Variants in FMN1 observed in about 807,000 individuals in gnomAD.
FMN1 encodes formin-1.
In FMN1, 110 loss-of-function variants were observed where a neutral mutation model predicts 132.4. The ratio of observed to expected loss-of-function variants is 0.83; its 90% CI spans 0.71 to 0.97. The LOEUF (loss-of-function observed/expected upper bound fraction) is 0.97. FMN1 is among the 50% of genes least tolerant of loss of function. FMN1 has a pLI of 0.00. For synonymous variants in FMN1, 722 were observed against 651.7 expected, an observed-to-expected ratio of 1.11 and a Z score of -1.64; for missense variants, 1,792 against 1,705.3, an observed-to-expected ratio of 1.05 and a Z score of -0.90.
intron 9 of FMN1, among the ~76,000 whole-genome samples, chr15:32,927,687 C>A (rs1002004055): frequency 2.6e-5 from 4 of 152,172 alleles, no homozygotes; most frequent in African/African-American, 9.7e-5. Context: ...TGTTTCTCTA[C>A]AACTAGTAAA....
chr15:32,971,324 A>G (rs1285773814), intron 7 of FMN1, among the ~76,000 whole-genome samples: 1 of 152,190 alleles, frequency 6.6e-6, no homozygotes, highest in Non-Finnish European at 1.5e-5. Context: ...AGACAATGCT[A>G]CCTTTGTAGA....
chr15:33,067,685 G>C, intron 5 of FMN1: 1 of 1,613,918 alleles, frequency 6.2e-7, no homozygotes, highest in Non-Finnish European at 8.5e-7. Flanking sequence ...CTGAGATGTG[G>C]GATTCACGTC....
intron 17 of FMN1, among the ~76,000 whole-genome samples, chr15:32,853,849 T>C (rs2059065028): frequency 6.6e-6 from 1 of 152,186 alleles, no homozygotes. Flanking sequence ...GGGGGCTAGC[T>C]TGTGAAACTC....
chr15:32,843,272 A>G (rs2141223789), intron 17 of FMN1, among the ~76,000 whole-genome samples: 1 of 152,264 alleles, frequency 6.6e-6, no homozygotes, highest in East Asian at 1.9e-4. Flanking sequence ...GAGATGCAAA[A>G]CCCACCCCTT....
intron 14 of FMN1, 108 bp from the exon 15 acceptor site, chr15:32,899,001 G>A: frequency 1.3e-6 from 1 of 756,980 alleles, no homozygotes; most frequent in Non-Finnish European, 2.2e-6. Flanking sequence ...GTGAAAACTG[G>A]CTTTCTCTTC....
intron 16 of FMN1, among the ~76,000 whole-genome samples, chr15:32,866,537 T>C (rs574209068): frequency 1.3e-5 from 2 of 152,334 alleles, no homozygotes; most frequent in Admixed American, 6.5e-5. Flanking sequence ...AGCTAAACAA[T>C]AACAGCAACC....
intron 4 of FMN1, among the ~76,000 whole-genome samples, chr15:33,116,964 A>C (rs1435863373): frequency 1.3e-5 from 2 of 152,194 alleles, no homozygotes; most frequent in African/African-American, 4.8e-5. Flanking sequence ...GTTTCCACCA[A>C]TACAACACTA....
At chr15:32,933,232 C>T (rs2061167232) in intron 9 of FMN1, among the ~76,000 whole-genome samples, 1 of 152,136 alleles carries the variant, frequency 6.6e-6, no homozygotes, top group African/African-American at 2.4e-5. Context: ...TCTTCTTTGA[C>T]CCACTGGTTG....
intron 17 of FMN1, among the ~76,000 whole-genome samples, chr15:32,814,255 A>G (rs1313486321): frequency 3.9e-5 from 6 of 152,198 alleles, no homozygotes; most frequent in Non-Finnish European, 5.9e-5. Flanking sequence ...GCTTTTCCTT[A>G]GTTATTTTTC....
rs533699379 is a variant in FMN1, at chr15:32,783,744, CAAAAAAAAAAAAAAA to C, written c.4131-6840_4131-6826del. On this transcript the variant is annotated intron_variant, in intron 19 of 20. Coordinates refer to ENST00000616417, the MANE Select transcript of FMN1 (RefSeq NM_001277313.2). ...TGGGCGACAGAGCGAGACTCTGTTTCAAAAAAAAAAAAAAAAAAAAAAAAAAAAAAAAAAAAAAAA... is the reference window on the plus strand; with the variant it reads ...TGGGCGACAGAGCGAGACTCTGTTTCAAAAAAAAAAAAAAAAAAAAAAAAA... Among the ~76,000 whole-genome samples, 54 of 64,252 alleles carry C rather than the reference CAAAAAAAAAAAAAAA, an allele frequency of 8.4e-4. 4 individuals are homozygous for C. Among genetic ancestry groups the C allele is most frequent in the African/African-American group, 1.4e-3 (24 of 17,408 alleles). The allele number at this position is 64,252 out of a possible 152,430, so 42.2% of individuals were successfully genotyped here.
chr15:33,064,759 T>C, intron 6 of FMN1, 198 bp downstream of exon 6: 1 of 409,894 alleles, frequency 2.4e-6, no homozygotes, highest in Non-Finnish European at 4.4e-6. Flanking sequence ...TTCCACTGCA[T>C]TCATCTTTCA....
chr15:33,059,606 C>T (rs1244927763), intron 6 of FMN1, among the ~76,000 whole-genome samples: 2 of 152,214 alleles, frequency 1.3e-5, no homozygotes, highest in Admixed American at 6.5e-5. Context: ...CATCACTCTT[C>T]AATTTTAGAC....
At chr15:33,067,521 G>A in intron 5 of FMN1, 2 of 1,613,960 alleles carry the variant, frequency 1.2e-6, no homozygotes, top group African/African-American at 1.3e-5. Flanking sequence ...GACAGTGGAA[G>A]CAGCTCTTGA....
chr15:32,929,784 C>A (rs1376982765), intron 9 of FMN1, among the ~76,000 whole-genome samples: 1 of 146,916 alleles, frequency 6.8e-6, no homozygotes, highest in Admixed American at 6.8e-5. Context: ...TTTTTGTGGT[C>A]AAGTAATATT....
intron 16 of FMN1, among the ~76,000 whole-genome samples, chr15:32,866,094 G>C (rs564903255): frequency 1.5e-3 from 228 of 151,776 alleles, no homozygotes; most frequent in African/African-American, 5.2e-3. Context: ...GGCGGGAGTG[G>C]GGAGGGATAG....
rs570770973 is a variant in FMN1, at chr15:33,186,919, G to T, written c.-196-6657C>A. On this transcript the variant is annotated intron_variant, in intron 2 of 20. Coordinates refer to ENST00000616417, the MANE Select transcript of FMN1 (RefSeq NM_001277313.2). ...TTAACTCCAGTGACTCTTAGTCAAT[G>T]CAGTCCTTCAACCCAAAACTCCAGT... Among the ~76,000 whole-genome samples the T allele has an allele frequency of 1.7e-4, 26 of 152,242 alleles. No individual in the cohort carries two copies. The East Asian group carries it at 3.3e-3, about 19-fold the overall frequency.
rs151297819 is a variant in FMN1, at chr15:32,822,130, C to A, written c.3929-17798G>T. On this transcript the variant is annotated intron_variant, in intron 17 of 20. Coordinates refer to ENST00000616417, the MANE Select transcript of FMN1 (RefSeq NM_001277313.2). Reference sequence around the variant, plus strand: ...TTGGGAGGCCAAGGCAGGTGAATCACCTGAGATCAGGAGTTCGAGACCAGC... The same window carrying A: ...TTGGGAGGCCAAGGCAGGTGAATCAACTGAGATCAGGAGTTCGAGACCAGC... 4.7e-3 allele frequency among the ~76,000 whole-genome samples: 722 copies of A among 152,194 alleles called. 26 individuals are homozygous for A. The East Asian group carries it at 0.086, about 18-fold the overall frequency.
At chr15:33,012,054 T>C (rs2034758694) in intron 6 of FMN1, 1 of 320,714 alleles carries the variant, frequency 3.1e-6, no homozygotes, top group Non-Finnish European at 5.9e-6. Context: ...AACAAAACTA[T>C]GAAGAAAAGC....
Position 33,049,655 on chromosome 15 carries a change from C to T in FMN1, c.2161+15302G>A, listed in dbSNP as rs151249908. 2.9e-4 allele frequency among the ~76,000 whole-genome samples: 44 copies of T among 152,324 alleles called. No individual in the cohort carries two copies. In the East Asian group the frequency reaches 4.0e-3, roughly 14 times the overall value. On this transcript the variant is annotated intron_variant, in intron 6 of 20. Coordinates refer to ENST00000616417, the MANE Select transcript of FMN1 (RefSeq NM_001277313.2). ...TCAGCCTACAGGTTTTTCTATACAT[C>T]GTGAACTATAACAAGTGGAGATGTA...
Sources: allele counts gnomAD v4.1 joint callset (sites outside exome capture counted in the v4.1 genomes callset), GRCh38; gene constraint gnomAD v4.1.1; transcripts MANE v1.5; gene names NCBI Gene and HGNC (gene_info 2026-07-23, HGNC 2026-07-21).